Variants in UBE2D1 observed in about 807,000 individuals in gnomAD.
UBE2D1 encodes the protein ubiquitin conjugating enzyme E2 D1, also known as ubiquitin-conjugating enzyme E2 D1.
UBE2D1 carries 9 observed loss-of-function variants against 24.6 expected under a neutral mutation model. That is an observed-to-expected ratio of 0.37 (90% CI 0.22 to 0.64). The LOEUF (loss-of-function observed/expected upper bound fraction) is 0.64, where lower values mean the gene tolerates loss of function less well. Among genes scored for constraint, UBE2D1 ranks in the 30% least tolerant of loss-of-function variants. The probability of loss-of-function intolerance (pLI) is 0.64; values close to 1 mark genes in which losing one functional copy is unlikely to be tolerated. For missense variants in UBE2D1, 87 were observed against 177.1 expected (o/e 0.49, Z 2.89); for synonymous variants, 57 against 57.6 (o/e 0.99, Z 0.04).
At chr10:58,360,104 G>T (rs1367559346) in intron 1 of UBE2D1, among the ~76,000 whole-genome samples, 1 of 152,074 alleles carries the variant, frequency 6.6e-6, no homozygotes, top group Non-Finnish European at 1.5e-5. Context: ...CATCATTAAT[G>T]TGGTCTGTAT....
intron 1 of UBE2D1, among the ~76,000 whole-genome samples, chr10:58,347,756 T>C (rs933942815): frequency 6.6e-6 from 1 of 151,842 alleles, no homozygotes; most frequent in Admixed American, 6.6e-5. Flanking sequence ...CAAGCGATTC[T>C]TCTGCCTCAG....
intron 6 of UBE2D1, chr10:58,368,362 A>G (rs1840279336): frequency 3.9e-6 from 1 of 255,684 alleles, no homozygotes; most frequent in South Asian, 9.9e-5. Context: ...TACCCATCCA[A>G]ACTGACCTAA....
At chr10:58,354,278 G>C (rs1043691132) in intron 1 of UBE2D1, among the ~76,000 whole-genome samples, 4 of 152,106 alleles carry the variant, frequency 2.6e-5, no homozygotes, top group African/African-American at 9.7e-5. Context: ...ATTAAGGAAA[G>C]CAGGTAAAAT....
Position 58,338,305 on chromosome 10 carries a change from AAACT to A in UBE2D1, c.24+3086_24+3089del, listed in dbSNP as rs1418613491. Among the ~76,000 whole-genome samples, 5 of 152,344 alleles carry A rather than the reference AAACT, an allele frequency of 3.3e-5. No homozygotes were observed. The East Asian group carries it at 5.8e-4, about 18-fold the overall frequency. ...TTAAAATATATTTTTATAGTAGAAT[AAACT>A]AACTATACTAGAATATACTAAATGA... On this transcript the variant is annotated intron_variant, in intron 1 of 6. Coordinates refer to ENST00000373910, the MANE Select transcript of UBE2D1 (RefSeq NM_003338.5).
rs186318772 is a variant in UBE2D1 at position 58,343,445 on chromosome 10, T to C, written c.24+8220T>C. Among the ~76,000 whole-genome samples, 362 of 152,310 alleles carry C rather than the reference T, an allele frequency of 2.4e-3. 1 individual carries two copies. Among genetic ancestry groups the C allele is most frequent in the African/African-American group, 8.1e-3 (335 of 41,564 alleles). On this transcript the variant is annotated intron_variant, in intron 1 of 6. Coordinates refer to ENST00000373910, the MANE Select transcript of UBE2D1 (RefSeq NM_003338.5). ...AAATCTTTTTCATATTATAAATTGC[T>C]GTAAGGAAAGCTGGAAAATCACTGT...
At chr10:58,362,691 A>G (rs1840213403) in intron 3 of UBE2D1, among the ~76,000 whole-genome samples, 1 of 151,990 alleles carries the variant, frequency 6.6e-6, no homozygotes, top group Admixed American at 6.6e-5. Context: ...ATTTATCTTC[A>G]TTTTCTATAT....
At chr10:58,345,545 CTAGTTATG>C (rs1031807937) in intron 1 of UBE2D1, among the ~76,000 whole-genome samples, 16 of 151,994 alleles carry the variant, frequency 1.1e-4, no homozygotes, top group African/African-American at 3.6e-4. Context: ...TAAGGAGATG[CTAGTTATG>C]TAGAAAAACA....
intron 5 of UBE2D1, among the ~76,000 whole-genome samples, chr10:58,367,481 T>C (rs983664923): frequency 6.6e-6 from 1 of 152,190 alleles, no homozygotes; most frequent in Non-Finnish European, 1.5e-5. Context: ...TAAAGATTCA[T>C]TGAAAAAAAT....
intron 1 of UBE2D1, among the ~76,000 whole-genome samples, chr10:58,351,950 CATT>C (rs1210618022): frequency 6.6e-6 from 1 of 152,074 alleles, no homozygotes; most frequent in Non-Finnish European, 1.5e-5. Flanking sequence ...TTGATTGAGA[CATT>C]ATGTGGCACG....
At chr10:58,363,215 T>A (rs1424558228) in intron 3 of UBE2D1, among the ~76,000 whole-genome samples, 4 of 152,136 alleles carry the variant, frequency 2.6e-5, no homozygotes, top group Non-Finnish European at 5.9e-5. Context: ...CTCAACCCTT[T>A]TTCAAAAAAA....
chr10:58,362,189 A>C (rs1358728935), intron 3 of UBE2D1, among the ~76,000 whole-genome samples: 2 of 152,212 alleles, frequency 1.3e-5, no homozygotes, highest in Non-Finnish European at 2.9e-5. Flanking sequence ...ATCTGATTGC[A>C]TAAGAATGAG....
At chr10:58,361,558 C>T (rs1297130048) in intron 3 of UBE2D1, 32 bp downstream of exon 3, 3 of 1,612,990 alleles carry the variant, frequency 1.9e-6, no homozygotes, top group Non-Finnish European at 2.5e-6. Context: ...GAAATTAACC[C>T]CCTCAGCCAT....
At position 58,343,696 on chromosome 10, in the gene UBE2D1, G is replaced by A. The variant is rs970944706; in HGVS notation, c.24+8471G>A. ...GCATTGTTTTCTTCTACAAGTAGCA[G>A]CATTTTAGTGACTGATGTACAACCA... is the stretch of plus-strand genomic sequence containing the variant. On this transcript the variant is annotated intron_variant, in intron 1 of 6. Transcript: ENST00000373910. Among the ~76,000 whole-genome samples, 6 of 152,218 alleles carry A rather than the reference G, an allele frequency of 3.9e-5. No homozygotes were observed. In the South Asian group the frequency reaches 8.3e-4, roughly 21 times the overall value.
intron 1 of UBE2D1, among the ~76,000 whole-genome samples, chr10:58,349,188 CTTTAA>C (rs1172580273): frequency 1.3e-5 from 2 of 152,012 alleles, no homozygotes; most frequent in Non-Finnish European, 2.9e-5. Context: ...AGGCACTATC[CTTTAA>C]TTTACTGATC....
chr10:58,344,867 G>GTTT (rs1304897036), intron 1 of UBE2D1, among the ~76,000 whole-genome samples: 1 of 130,714 alleles, frequency 7.7e-6, no homozygotes, highest in African/African-American at 2.8e-5. Flanking sequence ...TAGTTTTTTT[G>GTTT]TTTTTTTTTT....
In UBE2D1 at chr10:58,364,674, A is replaced by G. The variant is rs1840236711; in HGVS notation, c.199-97A>G. The stretch of plus-strand genomic sequence containing the variant: ...ACTTTTCTCCTCTAAAGTTATGTAA[A>G]GTTGAGGATATTTTACCCTAGAGCA... On this transcript the variant is annotated intron_variant, in intron 4 of 6. Coordinates refer to ENST00000373910, the MANE Select transcript of UBE2D1 (RefSeq NM_003338.5). 9.1e-6 allele frequency: 7 copies of G among 770,630 alleles called. 1 individual carries two copies. The South Asian group carries it at 1.2e-4, about 13-fold the overall frequency. 47.7% of individuals were successfully genotyped at this position (770,630 alleles called of 1,614,324 possible). A position where few individuals can be genotyped will look rare whatever the true frequency, so the allele number is the denominator to read the frequency against.
At chr10:58,337,624 G>C (rs994904871) in intron 1 of UBE2D1, among the ~76,000 whole-genome samples, 5 of 152,116 alleles carry the variant, frequency 3.3e-5, no homozygotes, top group Non-Finnish European at 5.9e-5. Context: ...TAAGTCTGCT[G>C]TAGTGTAGTA....
rs953584542 is a variant in UBE2D1 at position 58,370,690 on chromosome 10, G to A, written c.*1925G>A. 1 of 149,936 alleles carries A rather than the reference G, an allele frequency of 6.7e-6. No individual in the cohort carries two copies. Among genetic ancestry groups the A allele is most frequent in the Non-Finnish European group, 1.5e-5 (1 of 67,472 alleles). The allele number at this position is 149,936 out of a possible 1,614,324, so 9.3% of individuals were successfully genotyped here. On this transcript the variant is annotated 3_prime_UTR_variant, in exon 7 of 7. Transcript: ENST00000373910. ...AAAAAAAAAAACAACTTTCATTTGT[G>A]TGGCATTTATTTTTGGAAGTGTCTT... is the stretch of plus-strand genomic sequence containing the variant.
intron 6 of UBE2D1, chr10:58,368,437 C>T (rs895702988): frequency 1.0e-5 from 3 of 288,540 alleles, no homozygotes; most frequent in Non-Finnish European, 1.9e-5. Context: ...AATGCTCCTT[C>T]AGGATTGGCT....
Sources: gnomAD v4.1 joint callset for allele counts (sites outside exome capture counted in the v4.1 genomes callset) on GRCh38, gnomAD v4.1.1 for gene constraint, MANE v1.5 for transcripts, NCBI Gene and HGNC (gene_info 2026-07-23, HGNC 2026-07-21) for gene names.